The following TAFA2 variants were observed in gnomAD, a reference collection of about 807,000 sequenced individuals.
The protein encoded by TAFA2 is TAFA chemokine like family member 2, also known as chemokine-like protein TAFA-2.
In TAFA2, 7 loss-of-function variants were observed where a neutral mutation model predicts 18.8. The ratio of observed to expected loss-of-function variants is 0.37; its 90% CI spans 0.21 to 0.70. TAFA2 has a LOEUF of 0.70. Among genes scored for constraint, TAFA2 ranks in the 30% least tolerant of loss-of-function variants. The pLI is 0.53. For missense variants in TAFA2, 122 were observed against 158.1 expected (o/e 0.77, Z 1.23); for synonymous variants, 60 against 54.2 (o/e 1.11, Z -0.47).
At chr12:62,227,653 T>C (rs1259314003) in intron 1 of TAFA2, among the ~76,000 whole-genome samples, 1 of 152,198 alleles carries the variant, frequency 6.6e-6, no homozygotes, top group African/African-American at 2.4e-5. Flanking sequence ...TATTTGTGCT[T>C]TTGTTGCCTG....
intron 1 of TAFA2, among the ~76,000 whole-genome samples, chr12:61,926,385 C>A (rs1877294209): frequency 6.6e-6 from 1 of 152,248 alleles, no homozygotes; most frequent in South Asian, 2.1e-4. Context: ...GGCAGAGACA[C>A]AACAAAATAA....
intron 1 of TAFA2, among the ~76,000 whole-genome samples, chr12:62,010,486 G>A (rs543987108): frequency 7.7e-4 from 117 of 152,276 alleles, no homozygotes; most frequent in African/African-American, 2.7e-3. Context: ...GGAGTGCAGT[G>A]GCGTGATCTC....
At chr12:61,753,864 T>A in intron 3 of TAFA2, 118 bp from the exon 4 acceptor site, 1 of 726,754 alleles carries the variant, frequency 1.4e-6, no homozygotes, top group Non-Finnish European at 2.1e-6. Context: ...TACAGGTATT[T>A]GAGGTATGCC....
At chr12:61,855,256 T>C (rs1293765001) in intron 2 of TAFA2, among the ~76,000 whole-genome samples, 1 of 152,206 alleles carries the variant, frequency 6.6e-6, no homozygotes, top group Non-Finnish European at 1.5e-5. Flanking sequence ...TATGTTGCAT[T>C]CACCTACTCT....
chr12:61,958,594 TG>T (rs1878778227), intron 1 of TAFA2, among the ~76,000 whole-genome samples: 1 of 152,034 alleles, frequency 6.6e-6, no homozygotes, highest in Non-Finnish European at 1.5e-5. Context: ...TTTATTTGTC[TG>T]TTGGCCATTT....
At chr12:62,193,676 G>A (rs1008772228), upstream of TAFA2, among the ~76,000 whole-genome samples, 3 of 152,130 alleles carry the variant, frequency 2.0e-5, no homozygotes, top group African/African-American at 7.2e-5. Context: ...TGTTACATCA[G>A]TCCAAATCAA....
At chr12:62,257,878 G>A (rs969728953) in intron 1 of TAFA2, among the ~76,000 whole-genome samples, 1 of 152,100 alleles carries the variant, frequency 6.6e-6, no homozygotes, top group African/African-American at 2.4e-5. Flanking sequence ...ACCAATTTAT[G>A]AACAATATCT....
chr12:61,980,994 T>C (rs913491236), intron 1 of TAFA2, among the ~76,000 whole-genome samples: 2 of 152,104 alleles, frequency 1.3e-5, no homozygotes, highest in African/African-American at 4.8e-5. Context: ...GAGCCTGCAT[T>C]GCCAAGACAA....
intron 1 of TAFA2, among the ~76,000 whole-genome samples, chr12:61,883,421 A>G (rs1875236147): frequency 6.6e-6 from 1 of 152,170 alleles, no homozygotes; most frequent in South Asian, 2.1e-4. Flanking sequence ...CTGCTTACTC[A>G]AAGTTTGATT....
chr12:61,755,097 G>A, intron 2 of TAFA2, 73 bp from the exon 3 acceptor site: 1 of 1,449,824 alleles, frequency 6.9e-7, no homozygotes, highest in Non-Finnish European at 9.5e-7. Flanking sequence ...TTTTTAATTA[G>A]CAGTACATTA....
At chr12:61,896,540 C>T (rs1313231085) in intron 1 of TAFA2, among the ~76,000 whole-genome samples, 1 of 152,214 alleles carries the variant, frequency 6.6e-6, no homozygotes, top group African/African-American at 2.4e-5. Context: ...GTGCTTGAAG[C>T]TCTTCCCTTG....
intron 1 of TAFA2, among the ~76,000 whole-genome samples, chr12:62,155,948 C>G (rs1254215507): frequency 3.3e-5 from 5 of 152,156 alleles, no homozygotes; most frequent in Admixed American, 6.6e-5. Flanking sequence ...ATAATTGGGA[C>G]TTAATTAGAC....
intron 1 of TAFA2, among the ~76,000 whole-genome samples, chr12:62,229,547 G>T (rs956086380): frequency 6.6e-6 from 1 of 151,964 alleles, no homozygotes; most frequent in African/African-American, 2.4e-5. Context: ...AACCATTCTT[G>T]TATTCCTGGG....
chr12:62,142,124 G>A (rs1327557466), intron 1 of TAFA2, among the ~76,000 whole-genome samples: 1 of 152,122 alleles, frequency 6.6e-6, no homozygotes, highest in Non-Finnish European at 1.5e-5. Flanking sequence ...GGCTCAGAAA[G>A]GTTAAGTAAC....
intron 1 of TAFA2, among the ~76,000 whole-genome samples, chr12:61,924,025 C>A (rs1170307389): frequency 2.0e-5 from 3 of 147,736 alleles, no homozygotes; most frequent in South Asian, 2.2e-4. Context: ...AACATGAAGA[C>A]AAGATTAGAG....
intron 1 of TAFA2, among the ~76,000 whole-genome samples, chr12:61,875,085 T>C (rs949588908): frequency 2.0e-5 from 3 of 152,116 alleles, no homozygotes; most frequent in Non-Finnish European, 4.4e-5. Context: ...AATAAATTTG[T>C]CAACTTTACT....
chr12:61,964,797 C>T (rs1879012339), intron 1 of TAFA2, among the ~76,000 whole-genome samples: 1 of 151,896 alleles, frequency 6.6e-6, no homozygotes, highest in Admixed American at 6.6e-5. Flanking sequence ...AAATTCTATT[C>T]ATCCTTCAGG....
chr12:61,751,948 G>A (rs11174155), intron 4 of TAFA2, among the ~76,000 whole-genome samples: 4,806 of 151,876 alleles, frequency 0.032, 243 homozygotes, highest in African/African-American at 0.11. Context: ...ATTTTTAAAG[G>A]TCGACCTCTT....
intron 1 of TAFA2, among the ~76,000 whole-genome samples, chr12:62,077,626 C>T (rs888244800): frequency 6.6e-6 from 1 of 152,100 alleles, no homozygotes; most frequent in African/African-American, 2.4e-5. Flanking sequence ...GACATCAAAC[C>T]TCTTTTCTCC....
Sources: allele counts gnomAD v4.1 joint callset (sites outside exome capture counted in the v4.1 genomes callset), GRCh38; gene constraint gnomAD v4.1.1; transcripts MANE v1.5; gene names NCBI Gene and HGNC (gene_info 2026-07-23, HGNC 2026-07-21).